The following CRAMP1 variants were observed in gnomAD, a reference collection of about 807,000 sequenced individuals.
CRAMP1 encodes the protein protein cramped-like.
CRAMP1 carries 50 observed loss-of-function variants against 115.4 expected under a neutral mutation model. That is an observed-to-expected ratio of 0.43 (90% CI 0.35 to 0.55). The LOEUF (loss-of-function observed/expected upper bound fraction) is 0.55. Among genes scored for constraint, CRAMP1 ranks in the 20% least tolerant of loss-of-function variants. The pLI, the probability that CRAMP1 is intolerant of heterozygous loss-of-function variation, is 0.01. For missense variants in CRAMP1, 1,679 were observed against 1,721.7 expected (o/e 0.98, Z 0.44); for synonymous variants, 866 against 745.4 (o/e 1.16, Z -2.64).
intron 6 of CRAMP1, among the ~76,000 whole-genome samples, chr16:1,652,161 G>A (rs1266342897): frequency 6.6e-6 from 1 of 152,214 alleles, no homozygotes; most frequent in East Asian, 1.9e-4. Flanking sequence ...GAGAGGGGTG[G>A]CCATCTGAGG....
intron 8 of CRAMP1, among the ~76,000 whole-genome samples, chr16:1,653,985 CA>C (rs879391256): frequency 1.1e-3 from 165 of 149,828 alleles, no homozygotes; most frequent in African/African-American, 3.7e-3. Flanking sequence ...ACTAAAAATA[CA>C]AAAAAAATTA....
chr16:1,621,501 T>C (rs1305393765), intron 2 of CRAMP1, among the ~76,000 whole-genome samples: 1 of 152,192 alleles, frequency 6.6e-6, no homozygotes, highest in Non-Finnish European at 1.5e-5. Context: ...TCTGGAGAAC[T>C]GTGGCGCTGA....
chr16:1,670,931 C>T (rs905096520), intron 20 of CRAMP1, 122 bp downstream of exon 20: 1 of 874,840 alleles, frequency 1.1e-6, no homozygotes, highest in Non-Finnish European at 1.7e-6. Context: ...GAACAGGAGA[C>T]AGCACGTCCA....
intron 6 of CRAMP1, among the ~76,000 whole-genome samples, chr16:1,641,604 C>T (rs2036632794): frequency 6.6e-6 from 1 of 152,160 alleles, no homozygotes; most frequent in African/African-American, 2.4e-5. Context: ...CTTCTTGTGC[C>T]CTGGATGCTT....
chr16:1,625,524 T>G (rs2036501046), intron 2 of CRAMP1: 1 of 155,496 alleles, frequency 6.4e-6, no homozygotes, highest in African/African-American at 2.4e-5. Context: ...AAGGTGGTGT[T>G]TTACACGTTT....
intron 13 of CRAMP1, among the ~76,000 whole-genome samples, chr16:1,664,123 C>T (rs1034661539): frequency 2.6e-5 from 4 of 152,186 alleles, no homozygotes; most frequent in African/African-American, 7.2e-5. Context: ...AGAACTGCAG[C>T]GGCACCCCCA....
At position 1,662,483 on chromosome 16, in the gene CRAMP1, C is replaced by T. The variant is rs777022007; in HGVS notation, c.2414-7C>T. 5 of 1,611,584 alleles carry T rather than the reference C, an allele frequency of 3.1e-6. No individual in the cohort carries two copies. The highest frequency in any genetic ancestry group is 2.5e-6 in the Non-Finnish European group (3 of 1,177,828). On this transcript the variant is annotated splice_polypyrimidine_tract_variant and splice_region_variant and intron_variant, in intron 11 of 20. Coordinates refer to ENST00000397412, the MANE Select transcript of CRAMP1 (RefSeq NM_020825.4). ...TGTCACACTGATTCTCTCCTCTCCT[C>T]TCCCAGGTTTGAGAAACCCTCCAAG...
At chr16:1,645,695 C>T (rs1476226333) in intron 6 of CRAMP1, among the ~76,000 whole-genome samples, 1 of 152,160 alleles carries the variant, frequency 6.6e-6, no homozygotes, top group African/African-American at 2.4e-5. Flanking sequence ...CGTAGTGCCC[C>T]CAGAAGCCAC....
At chr16:1,646,524 T>C (rs1391228912) in intron 6 of CRAMP1, among the ~76,000 whole-genome samples, 1 of 152,220 alleles carries the variant, frequency 6.6e-6, no homozygotes, top group Non-Finnish European at 1.5e-5. Context: ...TGTTTTCTTC[T>C]TCTTGAGTTT....
chr16:1,619,715 G>C (rs955458687), intron 2 of CRAMP1, among the ~76,000 whole-genome samples: 1 of 152,170 alleles, frequency 6.6e-6, no homozygotes, highest in Non-Finnish European at 1.5e-5. Context: ...AGACAGCGCT[G>C]GTCAGAGCAT....
At chr16:1,624,625 C>T (rs2036493864) in intron 2 of CRAMP1, among the ~76,000 whole-genome samples, 1 of 152,128 alleles carries the variant, frequency 6.6e-6, no homozygotes, top group African/African-American at 2.4e-5. Flanking sequence ...TGTAGCCAGG[C>T]TGGAGTGCAG....
chr16:1,656,606 C>G lies in CRAMP1; in HGVS notation c.1849C>G (p.Pro617Ala), dbSNP rs1012089202. The change falls in exon 10 of 21, where the codon CCG becomes GCG. Residue 617 changes from proline to alanine, a missense_variant. Pro to Ala is a conservative substitution (Grantham distance 27). Coordinates refer to ENST00000397412, the MANE Select transcript of CRAMP1 (RefSeq NM_020825.4). This position sits in a 1 kb window ranked among gnomAD's most constrained non-coding sequence, Gnocchi z 5.6. ...TGACCTTGCTCCCACTGGCCCATCC[C>G]CGAGGCCCGGCCCCGGGCTCCTGCT... Reference protein sequence around the residue: ...AADLAPTGPSPRPGPGLLLDV... With the variant: ...AADLAPTGPSARPGPGLLLDV... 3 of 1,572,806 alleles carry G rather than the reference C, an allele frequency of 1.9e-6. No individual in the cohort carries two copies. The African/African-American group carries it at 4.1e-5, about 21-fold the overall frequency.
rs1005002844 is a variant in CRAMP1 at position 1,667,250 on chromosome 16, C to T, written c.3037-85C>T. On this transcript the variant is annotated intron_variant, in intron 16 of 20. Transcript: ENST00000397412. ...AGGAGGCCAGGGGGATGGAACGCCT[C>T]TTTTTCTGGAACTCTGTCGCGGGTG... 1.1e-5 allele frequency: 13 copies of T among 1,150,112 alleles called. No individual in the cohort carries two copies. The African/African-American group carries it at 1.7e-4, about 15-fold the overall frequency. The allele number at this position is 1,150,112 out of a possible 1,614,324, so 71.2% of individuals were successfully genotyped here.
At chr16:1,657,273 C>T (rs1006333308) in intron 10 of CRAMP1, among the ~76,000 whole-genome samples, 1 of 152,228 alleles carries the variant, frequency 6.6e-6, no homozygotes, top group African/African-American at 2.4e-5. Flanking sequence ...TGCACGGTTC[C>T]AGAAGTGCAG....
At chr16:1,664,533 C>G (rs1474366215) in intron 13 of CRAMP1, among the ~76,000 whole-genome samples, 2 of 152,182 alleles carry the variant, frequency 1.3e-5, no homozygotes, top group African/African-American at 4.8e-5. Context: ...AATCCCAGCA[C>G]TTTGGGAGGC....
At chr16:1,628,104 C>G (rs539833176) in intron 3 of CRAMP1, among the ~76,000 whole-genome samples, 4 of 152,150 alleles carry the variant, frequency 2.6e-5, no homozygotes, top group Non-Finnish European at 5.9e-5. Flanking sequence ...TAGAGTTTTT[C>G]TATCGGGTAG....
chr16:1,623,965 C>T (rs946116722), intron 2 of CRAMP1, among the ~76,000 whole-genome samples: 22 of 152,132 alleles, frequency 1.4e-4, no homozygotes, highest in Non-Finnish European at 2.4e-4. Context: ...AGCCGGAAAG[C>T]GGCCTGGGTG....
At chr16:1,647,366 C>T (rs1022023479) in intron 6 of CRAMP1, among the ~76,000 whole-genome samples, 1 of 152,176 alleles carries the variant, frequency 6.6e-6, no homozygotes, top group Non-Finnish European at 1.5e-5. Context: ...GAAACGAAAG[C>T]CAGGCTCCCA....
intron 2 of CRAMP1, among the ~76,000 whole-genome samples, chr16:1,620,148 C>T (rs569452051): frequency 3.9e-5 from 6 of 152,146 alleles, no homozygotes; most frequent in Non-Finnish European, 7.3e-5. Flanking sequence ...ACAACTCTGG[C>T]TCCAAGACCA....
Sources: gnomAD v4.1 joint callset for allele counts (sites outside exome capture counted in the v4.1 genomes callset) on GRCh38, gnomAD v4.1.1 for gene constraint, Gnocchi (gnomAD v3.1) non-coding constraint, MANE v1.5 for transcripts, NCBI Gene and HGNC (gene_info 2026-07-23, HGNC 2026-07-21) for gene names.